GSG1L: variants seen among roughly 807,000 people sequenced by gnomAD.
The protein encoded by GSG1L is GSG1 like, also known as germ cell-specific gene 1-like protein.
A neutral mutation model predicts 42.1 loss-of-function variants in GSG1L; 24 were observed. The observed-to-expected ratio is 0.57, with a 90% CI of 0.41 to 0.80. GSG1L has a LOEUF of 0.80. Ranked by LOEUF, GSG1L falls within the 30% of genes least tolerant of loss-of-function variation. The pLI, the probability that GSG1L is intolerant of heterozygous loss-of-function variation, is 0.00. For missense variants in GSG1L, 445 were observed against 472.2 expected (o/e 0.94, Z 0.53); for synonymous variants, 215 against 203.5 (o/e 1.06, Z -0.48).
chr16:27,892,354 T>C (rs911153348), intron 2 of GSG1L, among the ~76,000 whole-genome samples: 5 of 150,654 alleles, frequency 3.3e-5, no homozygotes, highest in African/African-American at 4.9e-5. Flanking sequence ...ACTTGGGAGG[T>C]TGAGGTGGGA....
At chr16:27,821,877 C>A (rs181563629) in intron 5 of GSG1L, among the ~76,000 whole-genome samples, 178 of 151,700 alleles carry the variant, frequency 1.2e-3, no homozygotes, top group African/African-American at 4.0e-3. Context: ...GCACTCCAGC[C>A]TGGGTGACTG....
At position 27,805,707 on chromosome 16, in the gene GSG1L, G is replaced by T. The variant is rs2082953034; in HGVS notation, c.898+1780C>A. 2.4e-3 allele frequency among the ~76,000 whole-genome samples: 4 copies of T among 1,698 alleles called. 2 individuals are homozygous for T. Among genetic ancestry groups the T allele is most frequent in the Non-Finnish European group, 5.1e-3 (4 of 780 alleles). 1.1% of individuals were successfully genotyped at this position (1,698 alleles called of 152,430 possible). Reference sequence around the variant, plus strand: ...GGATTGGGGGTGGGGGGAGGGCTGTGGGCACTGGGATTGGGGTGGGGGGAG... The same window carrying T: ...GGATTGGGGGTGGGGGGAGGGCTGTTGGCACTGGGATTGGGGTGGGGGGAG... On this transcript the variant is annotated intron_variant, in intron 6 of 6. Coordinates refer to ENST00000447459, the MANE Select transcript of GSG1L (RefSeq NM_001109763.2).
At chr16:27,815,402 G>A (rs1482529647) in intron 5 of GSG1L, among the ~76,000 whole-genome samples, 19 of 152,190 alleles carry the variant, frequency 1.2e-4, no homozygotes, top group Admixed American at 1.2e-3. Context: ...CAGAAGCTGA[G>A]CAGATGCTGG....
chr16:28,060,571 T>C (rs1165681284), intron 1 of GSG1L, among the ~76,000 whole-genome samples: 6 of 152,046 alleles, frequency 3.9e-5, no homozygotes, highest in African/African-American at 1.4e-4. Context: ...GGAGTGAGGG[T>C]CTTAACTGAG....
chr16:27,989,097 AAGG>A (rs1567546623), intron 1 of GSG1L, among the ~76,000 whole-genome samples: 1 of 151,892 alleles, frequency 6.6e-6, no homozygotes, highest in Non-Finnish European at 1.5e-5. Flanking sequence ...GAAAGAAAAA[AAGG>A]AGAGAAGGAG....
At chr16:27,943,629 G>T (rs1448150531) in intron 2 of GSG1L, among the ~76,000 whole-genome samples, 1 of 134,324 alleles carries the variant, frequency 7.4e-6, no homozygotes, top group Non-Finnish European at 1.5e-5. Flanking sequence ...GACTGAAGTG[G>T]AATGGTGCAA....
intron 2 of GSG1L, among the ~76,000 whole-genome samples, chr16:27,923,310 C>T (rs913893296): frequency 6.6e-5 from 10 of 152,160 alleles, no homozygotes; most frequent in Non-Finnish European, 1.0e-4. Flanking sequence ...CGAGAAGGCT[C>T]CTGCTCCCCA....
chr16:27,971,286 TG>T lies in GSG1L; in HGVS notation c.350-8084del, dbSNP rs1403721558. Among the ~76,000 whole-genome samples the T allele has an allele frequency of 2.6e-5, 4 of 152,218 alleles. No individual in the cohort carries two copies. In the East Asian group the frequency reaches 5.8e-4, roughly 22 times the overall value. On this transcript the variant is annotated intron_variant, in intron 1 of 6. Coordinates refer to ENST00000447459, the MANE Select transcript of GSG1L (RefSeq NM_001109763.2). Reference sequence around the variant, plus strand: ...AAACTTCAAATCCATGAACATGGGATGTTTTTCCATTTACTTAGATCTATTC... The same window carrying T: ...AAACTTCAAATCCATGAACATGGGATTTTTTCCATTTACTTAGATCTATTC...
intron 2 of GSG1L, among the ~76,000 whole-genome samples, chr16:27,913,107 G>A (rs1025251823): frequency 6.6e-6 from 1 of 152,132 alleles, no homozygotes; most frequent in Non-Finnish European, 1.5e-5. Context: ...ACAGGTGTAA[G>A]CCACCACGCC....
At chr16:28,027,626 C>T (rs1258399650) in intron 1 of GSG1L, among the ~76,000 whole-genome samples, 1 of 152,160 alleles carries the variant, frequency 6.6e-6, no homozygotes, top group Non-Finnish European at 1.5e-5. Context: ...TATTTTTGGG[C>T]ACCTGTGTTC....
intron 5 of GSG1L, among the ~76,000 whole-genome samples, chr16:27,818,610 A>G (rs1290675497): frequency 2.0e-5 from 3 of 152,158 alleles, no homozygotes; most frequent in South Asian, 2.1e-4. Flanking sequence ...ACATCTAAGA[A>G]ACAGTCGCAG....
chr16:27,971,329 T>C (rs1379944077), intron 1 of GSG1L, among the ~76,000 whole-genome samples: 1 of 152,204 alleles, frequency 6.6e-6, no homozygotes. Context: ...CTTTTAACAA[T>C]GTTTTGTAGT....
chr16:27,918,137 T>C lies in GSG1L; in HGVS notation c.398-33499A>G, dbSNP rs965282076. On this transcript the variant is annotated intron_variant, in intron 2 of 6. Coordinates refer to ENST00000447459, the MANE Select transcript of GSG1L (RefSeq NM_001109763.2). ...AGGTTGCAGCAGACATTTCATTGTA[T>C]TGCATAACCTCTGATTTGGTCATGA... 8.5e-5 allele frequency among the ~76,000 whole-genome samples: 13 copies of C among 152,298 alleles called. No homozygotes were observed. In the South Asian group the frequency reaches 2.7e-3, roughly 32 times the overall value.
At chr16:27,980,691 T>C (rs1208023890) in intron 1 of GSG1L, among the ~76,000 whole-genome samples, 9 of 152,030 alleles carry the variant, frequency 5.9e-5, no homozygotes, top group African/African-American at 2.2e-4. Context: ...GAGACCAGCC[T>C]GGCCAACATG....
chr16:27,922,243 T>C (rs2084532708), intron 2 of GSG1L, among the ~76,000 whole-genome samples: 2 of 152,142 alleles, frequency 1.3e-5, no homozygotes, highest in Non-Finnish European at 2.9e-5. Flanking sequence ...AGTTTTTCTC[T>C]CTTTATCATT....
At position 27,828,951 on chromosome 16, in the gene GSG1L, G is replaced by A. The variant is rs1467586061; in HGVS notation, c.668C>T (p.Ala223Val). ...SWDYGWSFCL[A>V]WGSFTCCMAA... ...CATGCAGCAGGTAAAGGAGCCCCAC[G>A]CCAGGCTGCCAAGAGATCAGGAGAG... Residue 223 changes from alanine (A) to valine (V), a missense_variant, in exon 5 of 7, where the codon GCG becomes GTG. Coordinates refer to ENST00000447459, the MANE Select transcript of GSG1L (RefSeq NM_001109763.2). The A allele has an allele frequency of 1.9e-6, 3 of 1,614,010 alleles. No individual in the cohort carries two copies. The highest frequency in any genetic ancestry group is 2.5e-6 in the Non-Finnish European group (3 of 1,179,918).
intron 6 of GSG1L, among the ~76,000 whole-genome samples, chr16:27,803,800 G>GATATAGAT (rs1406574562): frequency 0.093 from 6,858 of 73,616 alleles, 278 homozygotes; most frequent in Admixed American, 0.17. Flanking sequence ...TATATAGATA[G>GATATAGAT]ATAGATATAG....
At chr16:27,840,515 G>C (rs907982997) in intron 4 of GSG1L, among the ~76,000 whole-genome samples, 2 of 152,160 alleles carry the variant, frequency 1.3e-5, no homozygotes, top group African/African-American at 4.8e-5. Context: ...GCGCCAAAAG[G>C]AGGAGTGGGC....
In GSG1L at chr16:28,055,963, C is replaced by T. The variant is rs111970327; in HGVS notation, c.349+7113G>A. Reference sequence around the variant, plus strand: ...CTCCCCACAGGATCCCACTAAACACCTCTCCTTGGAAATAAACCAAGAGAG... The same window carrying T: ...CTCCCCACAGGATCCCACTAAACACTTCTCCTTGGAAATAAACCAAGAGAG... On this transcript the variant is annotated intron_variant, in intron 1 of 6. Coordinates refer to ENST00000447459, the MANE Select transcript of GSG1L (RefSeq NM_001109763.2). Among the ~76,000 whole-genome samples the T allele has an allele frequency of 1.2e-3, 181 of 152,032 alleles. 1 individual carries two copies. Among genetic ancestry groups the T allele is most frequent in the African/African-American group, 4.3e-3 (177 of 41,316 alleles).
Sources: gnomAD v4.1 joint callset for allele counts (sites outside exome capture counted in the v4.1 genomes callset) on GRCh38, gnomAD v4.1.1 for gene constraint, MANE v1.5 for transcripts, NCBI Gene and HGNC (gene_info 2026-07-23, HGNC 2026-07-21) for gene names.